PTPRG: variants seen among roughly 807,000 people sequenced by gnomAD.
The protein encoded by PTPRG is protein tyrosine phosphatase receptor type G.
A neutral mutation model predicts 165.3 loss-of-function variants in PTPRG; 102 were observed. The observed-to-expected ratio is 0.62, with a 90% CI of 0.53 to 0.73. The LOEUF (loss-of-function observed/expected upper bound fraction) is 0.73. Among genes scored for constraint, PTPRG ranks in the 30% least tolerant of loss-of-function variants. PTPRG has a pLI of 0.00. For missense variants in PTPRG, 1,866 were observed against 1,861.4 expected (o/e 1.00, Z -0.05); for synonymous variants, 675 against 669.5 (o/e 1.01, Z -0.13).
intron 1 of PTPRG, among the ~76,000 whole-genome samples, chr3:61,622,773 C>T (rs565220829): frequency 6.6e-6 from 1 of 152,178 alleles, no homozygotes; most frequent in African/African-American, 2.4e-5. Context: ...AATTACTAAG[C>T]AAAGGTGAAG....
At chr3:62,111,948 G>T (rs1022403548) in intron 5 of PTPRG, among the ~76,000 whole-genome samples, 9 of 152,122 alleles carry the variant, frequency 5.9e-5, no homozygotes, top group Non-Finnish European at 1.3e-4. Context: ...GGTGTTCTCT[G>T]CCATTCTTAA....
At position 61,804,580 on chromosome 3, in the gene PTPRG, T is replaced by C. The variant is rs148232151; in HGVS notation, c.190+55598T>C. Among the ~76,000 whole-genome samples, 264 of 152,212 alleles carry C rather than the reference T, an allele frequency of 1.7e-3. 2 individuals are homozygous for C. Among genetic ancestry groups the C allele is most frequent in the African/African-American group, 5.6e-3 (234 of 41,518 alleles). On this transcript the variant is annotated intron_variant, in intron 2 of 29. Transcript: ENST00000474889. ...TCATCAGTGTCTTTCTGTTTAAGGA[T>C]AGCATAAAAGTGCTGATTGTTAACT...
At chr3:62,029,942 T>A (rs1264203272) in intron 4 of PTPRG, among the ~76,000 whole-genome samples, 1 of 152,186 alleles carries the variant, frequency 6.6e-6, no homozygotes, top group African/African-American at 2.4e-5. Context: ...TAACTCGCAT[T>A]TTCTGACTCT....
chr3:61,702,102 TG>T (rs1429889340), intron 1 of PTPRG, among the ~76,000 whole-genome samples: 1 of 152,094 alleles, frequency 6.6e-6, no homozygotes, highest in Non-Finnish European at 1.5e-5. Context: ...CCTCAGCCTC[TG>T]GGGTAGCTAG....
chr3:61,901,472 A>G (rs2107521850), intron 2 of PTPRG, among the ~76,000 whole-genome samples: 1 of 152,306 alleles, frequency 6.6e-6, no homozygotes, highest in Non-Finnish European at 1.5e-5. Context: ...ATACACTGAG[A>G]TGAGGTAGAT....
intron 1 of PTPRG, among the ~76,000 whole-genome samples, chr3:61,681,757 A>G (rs1182748053): frequency 6.6e-6 from 1 of 152,112 alleles, no homozygotes; most frequent in Non-Finnish European, 1.5e-5. Flanking sequence ...CTTGCTCTGG[A>G]TTTAACTTTT....
intron 5 of PTPRG, among the ~76,000 whole-genome samples, chr3:62,117,875 T>C (rs1702922979): frequency 6.6e-6 from 1 of 152,186 alleles, no homozygotes; most frequent in Non-Finnish European, 1.5e-5. Context: ...TTAGTAAATA[T>C]TTGTTGAATG....
intron 1 of PTPRG, among the ~76,000 whole-genome samples, chr3:61,594,973 C>T (rs993977184): frequency 6.6e-6 from 1 of 151,922 alleles, no homozygotes; most frequent in Non-Finnish European, 1.5e-5. Context: ...TTAACCATTC[C>T]TTGTCTGTTG....
At chr3:61,951,945 C>T (rs113343291) in intron 2 of PTPRG, among the ~76,000 whole-genome samples, 5,859 of 152,016 alleles carry the variant, frequency 0.039, 333 homozygotes, top group African/African-American at 0.13. Context: ...TGGGGAAACC[C>T]TGTCTTTACT....
chr3:61,562,137 T>C lies in PTPRG; in HGVS notation c.-151T>C, dbSNP rs550227278. On this transcript the variant is annotated 5_prime_UTR_variant, in exon 1 of 30. Coordinates refer to ENST00000474889, the MANE Select transcript of PTPRG (RefSeq NM_002841.4). ...GGGGGCGCTCGGCGGCTTCCCGGAT[T>C]CCAAGGGGACTCGGGCCGCCGAGCG... 8.0e-6 allele frequency: 5 copies of C among 624,740 alleles called. No homozygotes were observed. The highest frequency in any genetic ancestry group is 1.9e-5 in the South Asian group (1 of 52,976). 38.7% of individuals were successfully genotyped at this position (624,740 alleles called of 1,614,324 possible). A position where few individuals can be genotyped will look rare whatever the true frequency, so the allele number is the denominator to read the frequency against.
intron 4 of PTPRG, among the ~76,000 whole-genome samples, chr3:62,038,008 G>C (rs1468336766): frequency 6.6e-6 from 1 of 152,120 alleles, no homozygotes; most frequent in African/African-American, 2.4e-5. Flanking sequence ...CCTTAACACT[G>C]AGCCTTGATA....
intron 2 of PTPRG, among the ~76,000 whole-genome samples, chr3:61,837,136 C>T (rs983216299): frequency 4.9e-4 from 75 of 152,346 alleles, no homozygotes; most frequent in African/African-American, 1.8e-3. Flanking sequence ...TGGTCTTGTA[C>T]TCCTGACCTC....
chr3:62,192,336 A>C (rs1699851092), intron 9 of PTPRG, among the ~76,000 whole-genome samples: 1 of 150,406 alleles, frequency 6.6e-6, no homozygotes, highest in Non-Finnish European at 1.5e-5. Flanking sequence ...GCCCCTTCAG[A>C]ACAGATGTTT....
intron 1 of PTPRG, among the ~76,000 whole-genome samples, chr3:61,660,455 G>C (rs895464159): frequency 1.1e-4 from 17 of 152,174 alleles, no homozygotes. Context: ...CAAGAAAATA[G>C]AATAGTGGTC....
chr3:62,096,015 G>T (rs2106811493), intron 5 of PTPRG, among the ~76,000 whole-genome samples: 1 of 152,284 alleles, frequency 6.6e-6, no homozygotes, highest in African/African-American at 2.4e-5. Flanking sequence ...TGAAAAACTG[G>T]CAGAGCAAGG....
At chr3:61,565,939 G>GT (rs949841996) in intron 1 of PTPRG, among the ~76,000 whole-genome samples, 8 of 151,636 alleles carry the variant, frequency 5.3e-5, no homozygotes, top group African/African-American at 1.5e-4. Context: ...GATTGTACAG[G>GT]TTTTTTTTCC....
At chr3:61,607,840 G>A (rs1701056269) in intron 1 of PTPRG, among the ~76,000 whole-genome samples, 1 of 152,114 alleles carries the variant, frequency 6.6e-6, no homozygotes, top group African/African-American at 2.4e-5. Context: ...GCCACAGCGA[G>A]GGGCTGGACT....
rs548387591 is a variant in PTPRG at position 61,729,182 on chromosome 3, G to A, written c.86-19696G>A. On this transcript the variant is annotated intron_variant, in intron 1 of 29. Coordinates refer to ENST00000474889, the MANE Select transcript of PTPRG (RefSeq NM_002841.4). ...TCTGATATCTGGCATCCCAGCTGAG[G>A]GGAGAATAGTGATTAGTAGGGGCAG... 5.3e-5 allele frequency among the ~76,000 whole-genome samples: 8 copies of A among 152,270 alleles called. No individual in the cohort carries two copies. In the South Asian group the frequency reaches 1.7e-3, roughly 32 times the overall value.
chr3:62,189,055 C>T (rs1699738161), intron 8 of PTPRG, among the ~76,000 whole-genome samples: 1 of 152,102 alleles, frequency 6.6e-6, no homozygotes, highest in Non-Finnish European at 1.5e-5. Context: ...TCACTCCGCC[C>T]TCATGTCTCC....
Sources: allele counts gnomAD v4.1 joint callset (sites outside exome capture counted in the v4.1 genomes callset), GRCh38; gene constraint gnomAD v4.1.1; transcripts MANE v1.5; gene names NCBI Gene and HGNC (gene_info 2026-07-23, HGNC 2026-07-21).